FAM210A: variants seen among roughly 807,000 people sequenced by gnomAD.
The protein encoded by FAM210A is family with sequence similarity 210 member A.
In FAM210A, 13 loss-of-function variants were observed where a neutral mutation model predicts 25.3. That is an observed-to-expected ratio of 0.51 (90% CI 0.33 to 0.82). The LOEUF is 0.82. Among genes scored for constraint, FAM210A ranks in the 40% least tolerant of loss-of-function variants. The pLI is 0.02. For synonymous variants in FAM210A, 125 were observed against 118.7 expected (o/e 1.05, Z -0.35); for missense variants, 319 against 323.2 (o/e 0.99, Z 0.10).
intron 1 of FAM210A, among the ~76,000 whole-genome samples, chr18:13,684,972 C>T (rs1370249149): frequency 6.6e-6 from 1 of 152,106 alleles, no homozygotes; most frequent in Non-Finnish European, 1.5e-5. Flanking sequence ...AATCTTCAAA[C>T]TTCTAAAAAG....
intron 1 of FAM210A, among the ~76,000 whole-genome samples, chr18:13,688,388 G>A (rs574442407): frequency 1.1e-4 from 16 of 152,292 alleles, no homozygotes; most frequent in South Asian, 1.0e-3. Context: ...GTGGCTGGAC[G>A]TCAGGAAAAA....
intron 2 of FAM210A, 106 bp from the exon 3 acceptor site, chr18:13,672,079 T>A: frequency 1.3e-6 from 1 of 755,260 alleles, no homozygotes; most frequent in Non-Finnish European, 2.1e-6. Flanking sequence ...AAATTTTGCT[T>A]AAAAGTTGAT....
intron 3 of FAM210A, among the ~76,000 whole-genome samples, chr18:13,668,226 C>G (rs188857510): frequency 6.6e-6 from 1 of 152,226 alleles, no homozygotes; most frequent in Non-Finnish European, 1.5e-5. Context: ...AAAACTAAAT[C>G]CAGTTGTCAA....
At chr18:13,673,391 G>A (rs1243803104) in intron 2 of FAM210A, among the ~76,000 whole-genome samples, 1 of 144,122 alleles carries the variant, frequency 6.9e-6, no homozygotes, top group Non-Finnish European at 1.5e-5. Flanking sequence ...TTCATTTCCA[G>A]TTTCCTGATT....
intron 1 of FAM210A, among the ~76,000 whole-genome samples, chr18:13,720,337 C>T (rs191852712): frequency 4.6e-5 from 7 of 152,236 alleles, no homozygotes; most frequent in African/African-American, 1.7e-4. Context: ...TGTAGAGGCG[C>T]CTTTTGTTCT....
At chr18:13,690,895 C>T (rs1201304908) in intron 1 of FAM210A, among the ~76,000 whole-genome samples, 1 of 152,100 alleles carries the variant, frequency 6.6e-6, no homozygotes, top group Non-Finnish European at 1.5e-5. Flanking sequence ...CAAAGCTGGA[C>T]GGAGAATGAC....
At chr18:13,720,720 G>A (rs2043892247) in intron 1 of FAM210A, among the ~76,000 whole-genome samples, 2 of 152,202 alleles carry the variant, frequency 1.3e-5, no homozygotes, top group Non-Finnish European at 2.9e-5. Flanking sequence ...TACAGCTGCT[G>A]TAATAGAGAA....
intron 1 of FAM210A, among the ~76,000 whole-genome samples, chr18:13,691,691 C>A (rs2043645900): frequency 6.7e-6 from 1 of 150,146 alleles, no homozygotes; most frequent in African/African-American, 2.5e-5. Context: ...ACTTTACAGA[C>A]AAGCAAATGC....
rs572667548 is a variant in FAM210A, at chr18:13,692,429, A to C, written c.-28-10324T>G. 3.9e-5 allele frequency among the ~76,000 whole-genome samples: 6 copies of C among 152,284 alleles called. No individual in the cohort carries two copies. In the South Asian group the frequency reaches 1.2e-3, roughly 32 times the overall value. ...CTAATAGACATCTACAGAACTCTCC[A>C]CCCCAAATCAACAGAATATACATTC... On this transcript the variant is annotated intron_variant, in intron 1 of 3. Transcript: ENST00000651643.
intron 3 of FAM210A, 55 bp downstream of exon 3, chr18:13,671,807 G>GAGC: frequency 9.2e-7 from 1 of 1,091,930 alleles, no homozygotes; most frequent in East Asian, 2.4e-5. Flanking sequence ...ATGGGAAAGT[G>GAGC]AGCAGGTCAC....
intron 1 of FAM210A, among the ~76,000 whole-genome samples, chr18:13,683,379 T>C (rs1427284601): frequency 1.3e-5 from 2 of 152,142 alleles, no homozygotes; most frequent in African/African-American, 4.8e-5. Flanking sequence ...TGTCTCACTA[T>C]TTGATCTGGC....
At chr18:13,689,101 T>C (rs2043621210) in intron 1 of FAM210A, among the ~76,000 whole-genome samples, 1 of 152,246 alleles carries the variant, frequency 6.6e-6, no homozygotes, top group Non-Finnish European at 1.5e-5. Flanking sequence ...CCCTGAGGCA[T>C]CTGCTTCCTC....
intron 1 of FAM210A, among the ~76,000 whole-genome samples, chr18:13,694,047 G>A (rs1395182037): frequency 6.6e-6 from 1 of 152,176 alleles, no homozygotes; most frequent in Non-Finnish European, 1.5e-5. Flanking sequence ...CAAAATCAAT[G>A]TGCAAAAATC....
chr18:13,699,034 T>C (rs2043718061), intron 1 of FAM210A, among the ~76,000 whole-genome samples: 2 of 152,146 alleles, frequency 1.3e-5, no homozygotes, highest in Non-Finnish European at 2.9e-5. Context: ...GGTCTCAAAC[T>C]CCTGACCTCA....
chr18:13,698,351 CAAAAAAAA>C (rs11464991), intron 1 of FAM210A, among the ~76,000 whole-genome samples: 2 of 72,952 alleles, frequency 2.7e-5, no homozygotes, highest in Admixed American at 1.8e-4. Context: ...GACTCCATCT[CAAAAAAAA>C]AAAAAAAAAA....
At chr18:13,679,155 G>A (rs1028251845) in intron 2 of FAM210A, among the ~76,000 whole-genome samples, 1 of 152,228 alleles carries the variant, frequency 6.6e-6, no homozygotes. Flanking sequence ...ACGATGCCTA[G>A]AAAGGCAGTA....
At position 13,724,557 on chromosome 18, in the gene FAM210A, G is replaced by GA. The variant is rs549958464; in HGVS notation, c.-29+1771dup. Among the ~76,000 whole-genome samples, 4 of 152,230 alleles carry GA rather than the reference G, an allele frequency of 2.6e-5. No individual in the cohort carries two copies. In the South Asian group the frequency reaches 8.3e-4, roughly 32 times the overall value. On this transcript the variant is annotated intron_variant, in intron 1 of 3. Coordinates refer to ENST00000651643, the MANE Select transcript of FAM210A (RefSeq NM_152352.4). ...AGAGATTACTCAGGCAATAATGAGG[G>GA]AAAAATAACACCAATGGTAACTTTA... is the stretch of plus-strand genomic sequence containing the variant.
intron 1 of FAM210A, among the ~76,000 whole-genome samples, chr18:13,703,985 A>C (rs2043759987): frequency 6.6e-6 from 1 of 152,194 alleles, no homozygotes; most frequent in Admixed American, 6.5e-5. Flanking sequence ...TTGTATGGTA[A>C]ATTCTTTTCC....
At position 13,711,004 on chromosome 18, in the gene FAM210A, G is replaced by A. The variant is rs774704186; in HGVS notation, c.-29+15325C>T. On this transcript the variant is annotated intron_variant, in intron 1 of 3. Coordinates refer to ENST00000651643, the MANE Select transcript of FAM210A (RefSeq NM_152352.4). ...CTTTCCTTCATTGTTGTATAGATAT[G>A]CCATCAAGAAAGTAGGTCTTTATGT... 1.1e-3 allele frequency among the ~76,000 whole-genome samples: 162 copies of A among 152,218 alleles called. 1 individual carries two copies. The highest frequency in any genetic ancestry group is 1.8e-3 in the Admixed American group (27 of 15,296).
Sources: allele counts gnomAD v4.1 joint callset (sites outside exome capture counted in the v4.1 genomes callset), GRCh38; gene constraint gnomAD v4.1.1; transcripts MANE v1.5; gene names NCBI Gene and HGNC (gene_info 2026-07-23, HGNC 2026-07-21).